STX18: variants seen among roughly 807,000 people sequenced by gnomAD.
The protein encoded by STX18 is syntaxin-18.
STX18 carries 40 observed loss-of-function variants against 50.1 expected under a neutral mutation model. That is an observed-to-expected ratio of 0.80 (90% CI 0.62 to 1.04). The LOEUF (loss-of-function observed/expected upper bound fraction) is 1.04, where lower values mean the gene tolerates loss of function less well. STX18 is among the 50% of genes least tolerant of loss of function. The probability of loss-of-function intolerance (pLI) is 0.00; values close to 1 mark genes in which losing one functional copy is unlikely to be tolerated. For missense variants in STX18, 410 were observed against 415.8 expected, an observed-to-expected ratio of 0.99 and a Z score of 0.12; for synonymous variants, 158 against 151.8, an observed-to-expected ratio of 1.04 and a Z score of -0.30.
intron 9 of STX18, among the ~76,000 whole-genome samples, chr4:4,422,472 G>C (rs1363611290): frequency 6.6e-6 from 1 of 151,618 alleles, no homozygotes; most frequent in East Asian, 1.9e-4. Context: ...GGCTGACTGA[G>C]GCAGGAGAAT....
At chr4:4,449,984 C>T (rs2108806140) in intron 5 of STX18, among the ~76,000 whole-genome samples, 1 of 152,254 alleles carries the variant, frequency 6.6e-6, no homozygotes, top group African/African-American at 2.4e-5. Flanking sequence ...TTCCCTGCTC[C>T]AGTTTAAGAA....
intron 1 of STX18, among the ~76,000 whole-genome samples, chr4:4,501,735 C>T (rs560817310): frequency 1.3e-5 from 2 of 151,966 alleles, no homozygotes; most frequent in African/African-American, 4.8e-5. Context: ...AACAATAACT[C>T]GGCAAATTGG....
intron 7 of STX18, 134 bp from the exon 8 acceptor site, chr4:4,425,356 C>A: frequency 2.6e-6 from 2 of 765,626 alleles, no homozygotes; most frequent in Non-Finnish European, 2.3e-6. Context: ...GCAGCCGGTG[C>A]TGGACGACCG....
In STX18 at chr4:4,420,946, T is replaced by G; in HGVS notation, c.832-2A>C. On this transcript the variant is annotated splice_acceptor_variant, in intron 9 of 10. Coordinates refer to ENST00000306200, the MANE Select transcript of STX18 (RefSeq NM_016930.4). LOFTEE classifies it high-confidence loss of function. This position sits in a 1 kb window ranked among gnomAD's most constrained non-coding sequence, Gnocchi z 4.3. ...GTGAATGCTGTCAATCTCAGCTTCC[T>G]GTGGAAGAAAAGATAAATACAAGTT... is the stretch of plus-strand genomic sequence containing the variant. 1 of 1,614,024 alleles carries G rather than the reference T, an allele frequency of 6.2e-7. No homozygotes were observed. Among genetic ancestry groups the G allele is most frequent in the Non-Finnish European group, 8.5e-7 (1 of 1,179,920 alleles).
At chr4:4,484,018 T>A (rs112535304) in intron 1 of STX18, among the ~76,000 whole-genome samples, 1 of 151,920 alleles carries the variant, frequency 6.6e-6, no homozygotes, top group Non-Finnish European at 1.5e-5. Flanking sequence ...CGTGCCACCA[T>A]GCCCAGCTAA....
intron 3 of STX18, among the ~76,000 whole-genome samples, chr4:4,458,217 C>T (rs1450072126): frequency 6.6e-6 from 1 of 152,184 alleles, no homozygotes; most frequent in Non-Finnish European, 1.5e-5. Context: ...GGTTCAGAGG[C>T]AATAAATAGC....
intron 1 of STX18, among the ~76,000 whole-genome samples, chr4:4,504,984 T>G (rs939073728): frequency 6.6e-6 from 1 of 152,184 alleles, no homozygotes; most frequent in African/African-American, 2.4e-5. Context: ...TGGTTTTTAG[T>G]GTATTTGAAA....
intron 1 of STX18, among the ~76,000 whole-genome samples, chr4:4,475,374 A>T (rs543520587): frequency 6.6e-6 from 1 of 152,278 alleles, no homozygotes; most frequent in East Asian, 1.9e-4. Flanking sequence ...ACAATGTATG[A>T]TATTTTAAAT....
chr4:4,447,858 A>T (rs955475035), intron 5 of STX18, among the ~76,000 whole-genome samples: 1 of 152,146 alleles, frequency 6.6e-6, no homozygotes, highest in African/African-American at 2.4e-5. Context: ...TTTTCCTCTG[A>T]CAAGATGCAG....
At chr4:4,503,332 A>G (rs560359205) in intron 1 of STX18, among the ~76,000 whole-genome samples, 1 of 152,326 alleles carries the variant, frequency 6.6e-6, no homozygotes, top group Admixed American at 6.5e-5. Flanking sequence ...CAACATCAGT[A>G]GAAAAAACTA....
chr4:4,432,565 C>T (rs1398719247), intron 7 of STX18, among the ~76,000 whole-genome samples: 1 of 151,622 alleles, frequency 6.6e-6, no homozygotes, highest in Non-Finnish European at 1.5e-5. Flanking sequence ...GGCCAGCTCA[C>T]TCAAACTTTA....
intron 1 of STX18, among the ~76,000 whole-genome samples, chr4:4,492,207 G>GA (rs1354366366): frequency 1.3e-5 from 2 of 151,988 alleles, no homozygotes; most frequent in Non-Finnish European, 1.5e-5. Context: ...TTAAGCTTTA[G>GA]AAAAAAATTG....
At chr4:4,515,096 A>G (rs1035768279) in intron 1 of STX18, among the ~76,000 whole-genome samples, 1 of 152,138 alleles carries the variant, frequency 6.6e-6, no homozygotes, top group Non-Finnish European at 1.5e-5. Flanking sequence ...CATGCAACCA[A>G]ATAAAACTGC....
chr4:4,517,926 C>T (rs1429698934), intron 1 of STX18, among the ~76,000 whole-genome samples: 3 of 152,048 alleles, frequency 2.0e-5, no homozygotes, highest in Non-Finnish European at 4.4e-5. Flanking sequence ...AGGCGCCTGC[C>T]ACCACGCCTG....
At chr4:4,473,864 G>A (rs965388526) in intron 1 of STX18, among the ~76,000 whole-genome samples, 8 of 152,174 alleles carry the variant, frequency 5.3e-5, no homozygotes, top group South Asian at 2.1e-4. Flanking sequence ...ATACACTGCA[G>A]TTAAAGGAAG....
chr4:4,508,894 T>C (rs1223992492), intron 1 of STX18, among the ~76,000 whole-genome samples: 1 of 152,208 alleles, frequency 6.6e-6, no homozygotes, highest in Non-Finnish European at 1.5e-5. Flanking sequence ...GACATGATCG[T>C]GTTCCTTTTT....
chr4:4,441,490 G>A (rs966425303), intron 5 of STX18, among the ~76,000 whole-genome samples: 5 of 152,088 alleles, frequency 3.3e-5, no homozygotes, highest in Admixed American at 2.0e-4. Context: ...TAATGAAAGA[G>A]AAGATTCTAC....
At chr4:4,540,944 G>A (rs1731557545) in intron 1 of STX18, among the ~76,000 whole-genome samples, 1 of 152,186 alleles carries the variant, frequency 6.6e-6, no homozygotes, top group Non-Finnish European at 1.5e-5. Context: ...CTTTCTTGGT[G>A]ATTTTTATTT....
chr4:4,500,492 A>G (rs534913148), intron 1 of STX18, among the ~76,000 whole-genome samples: 1 of 152,336 alleles, frequency 6.6e-6, no homozygotes, highest in South Asian at 2.1e-4. Flanking sequence ...GGATGTCTGT[A>G]GGTTATACAC....
Sources: gnomAD v4.1 joint callset for allele counts (sites outside exome capture counted in the v4.1 genomes callset) on GRCh38, gnomAD v4.1.1 for gene constraint, Gnocchi (gnomAD v3.1) non-coding constraint, MANE v1.5 for transcripts, NCBI Gene and HGNC (gene_info 2026-07-23, HGNC 2026-07-21) for gene names.